Variants in FOXP1 observed in about 807,000 individuals in gnomAD.
FOXP1 encodes the protein forkhead box protein P1.
In FOXP1, 15 loss-of-function variants were observed where a neutral mutation model predicts 98.2. That is an observed-to-expected ratio of 0.15 (90% CI 0.10 to 0.24). The LOEUF (loss-of-function observed/expected upper bound fraction) is 0.24, where lower values mean the gene tolerates loss of function less well. FOXP1 is among the 10% of genes least tolerant of loss of function. The probability of loss-of-function intolerance (pLI) is 1.00; values close to 1 mark genes in which losing one functional copy is unlikely to be tolerated. For synonymous variants in FOXP1, 371 were observed against 314.5 expected (o/e 1.18, Z -1.90); for missense variants, 633 against 848.5 (o/e 0.75, Z 3.15).
chr3:71,275,806 GTTCCCCATCCTCTCATGC>G (rs1376743103), intron 5 of FOXP1, among the ~76,000 whole-genome samples: 1 of 152,144 alleles, frequency 6.6e-6, no homozygotes, highest in Non-Finnish European at 1.5e-5. Flanking sequence ...TACGGGAGTG[GTTCCCCATCCTCTCATGC>G]TTATCCCTTC....
At chr3:71,097,465 T>C (rs545856117) in intron 7 of FOXP1, among the ~76,000 whole-genome samples, 323 of 152,320 alleles carry the variant, frequency 2.1e-3, no homozygotes, top group Non-Finnish European at 3.7e-3. Context: ...TGTTAATCCC[T>C]GATCTAATGG....
At chr3:71,014,211 A>T (rs1404587121) in intron 12 of FOXP1, among the ~76,000 whole-genome samples, 2 of 152,226 alleles carry the variant, frequency 1.3e-5, no homozygotes, top group Admixed American at 6.5e-5. Flanking sequence ...ATCAGAGTGA[A>T]CAGGCAACCT....
chr3:71,333,421 T>A (rs1255967010), intron 4 of FOXP1: 2 of 152,106 alleles, frequency 1.3e-5, no homozygotes, highest in Admixed American at 1.3e-4. Context: ...CAGAATAACA[T>A]CTTACACAAA....
rs78078467 is a variant in FOXP1 at position 71,532,029 on chromosome 3, T to C, written c.-297-38474A>G. Among the ~76,000 whole-genome samples, 25 of 152,378 alleles carry C rather than the reference T, an allele frequency of 1.6e-4. No homozygotes were observed. In the East Asian group the frequency reaches 4.4e-3, roughly 27 times the overall value. On this transcript the variant is annotated intron_variant, in intron 2 of 20. Coordinates refer to ENST00000649528, the MANE Select transcript of FOXP1 (RefSeq NM_001349338.3). Reference sequence around the variant, plus strand: ...AAATCTCAAGTCCTACAGGCTTCCATTGACTTAATAGGCAGTCTTCTTTTT... The same window carrying C: ...AAATCTCAAGTCCTACAGGCTTCCACTGACTTAATAGGCAGTCTTCTTTTT...
At chr3:71,366,200 T>C (rs969826295) in intron 3 of FOXP1, among the ~76,000 whole-genome samples, 2 of 152,190 alleles carry the variant, frequency 1.3e-5, no homozygotes, top group Non-Finnish European at 2.9e-5. Flanking sequence ...TATCTTTTTT[T>C]AAATCTCAGT....
chr3:71,090,531 A>C (rs761487752), intron 7 of FOXP1, among the ~76,000 whole-genome samples: 1 of 152,216 alleles, frequency 6.6e-6, no homozygotes, highest in Non-Finnish European at 1.5e-5. Flanking sequence ...TAATTTTATA[A>C]TCCATGCTTC....
intron 13 of FOXP1, among the ~76,000 whole-genome samples, chr3:70,992,842 A>C (rs550798522): frequency 9.9e-5 from 15 of 151,706 alleles, no homozygotes; most frequent in Non-Finnish European, 1.6e-4. Context: ...AAACCCAGAG[A>C]CTCTCTCTCT....
At chr3:71,302,817 A>G (rs1436299625) in intron 4 of FOXP1, 3 of 152,164 alleles carry the variant, frequency 2.0e-5, no homozygotes, top group African/African-American at 7.2e-5. Flanking sequence ...CAGTGACCAC[A>G]AAAACCATGT....
Position 70,980,465 on chromosome 3 carries a change from T to C in FOXP1, c.1147-2436A>G, listed in dbSNP as rs895253234. ...TTCAATTCTCATACCACCACTAATA[T>C]CTGAGATGTTATTACTCATACTTTA... is the stretch of plus-strand genomic sequence containing the variant. On this transcript the variant is annotated intron_variant, in intron 14 of 20. Transcript: ENST00000649528. 2.0e-5 allele frequency among the ~76,000 whole-genome samples: 3 copies of C among 152,162 alleles called. No individual in the cohort carries two copies. In the South Asian group the frequency reaches 6.2e-4, roughly 32 times the overall value.
chr3:71,509,998 G>A (rs1218521959), intron 2 of FOXP1, among the ~76,000 whole-genome samples: 2 of 151,970 alleles, frequency 1.3e-5, no homozygotes, highest in Non-Finnish European at 2.9e-5. Flanking sequence ...GGCCAACATG[G>A]TGAAACCCCA....
intron 6 of FOXP1, among the ~76,000 whole-genome samples, chr3:71,197,686 T>C (rs759258373): frequency 2.6e-5 from 4 of 152,216 alleles, no homozygotes; most frequent in Non-Finnish European, 4.4e-5. Context: ...AGCAGCTTCC[T>C]ACAGTGATGC....
intron 18 of FOXP1, chr3:70,971,632 T>G (rs1373222041): frequency 1.2e-5 from 2 of 165,696 alleles, no homozygotes; most frequent in African/African-American, 4.8e-5. Context: ...TGTATTATTA[T>G]AGTGAGTGAA....
At chr3:71,125,392 C>T (rs2059093907) in intron 6 of FOXP1, among the ~76,000 whole-genome samples, 1 of 152,162 alleles carries the variant, frequency 6.6e-6, no homozygotes, top group African/African-American at 2.4e-5. Context: ...TCACCTGGAA[C>T]TAGAACTACT....
At chr3:71,146,812 C>A (rs936348758) in intron 6 of FOXP1, among the ~76,000 whole-genome samples, 1 of 152,192 alleles carries the variant, frequency 6.6e-6, no homozygotes, top group Non-Finnish European at 1.5e-5. Flanking sequence ...AAACACTAAG[C>A]GGAAGACAAA....
At chr3:71,226,815 T>C (rs1560147052) in intron 5 of FOXP1, among the ~76,000 whole-genome samples, 1 of 152,124 alleles carries the variant, frequency 6.6e-6, no homozygotes, top group Non-Finnish European at 1.5e-5. Context: ...TTGCTCGTTC[T>C]CAGGCTCCCT....
intron 18 of FOXP1, 58 bp downstream of exon 18, chr3:70,972,497 G>GTTATACTTGT: frequency 6.2e-7 from 1 of 1,610,402 alleles, no homozygotes; most frequent in South Asian, 1.1e-5. Flanking sequence ...AAGCCTCTAC[G>GTTATACTTGT]TTATACTTGT....
chr3:71,085,199 G>A (rs940648449), intron 7 of FOXP1, among the ~76,000 whole-genome samples: 37 of 152,186 alleles, frequency 2.4e-4, no homozygotes, highest in African/African-American at 8.7e-4. Context: ...CTGGAGTACA[G>A]TGACACAATC....
At chr3:71,158,234 A>G (rs1333682691) in intron 6 of FOXP1, among the ~76,000 whole-genome samples, 2 of 151,640 alleles carry the variant, frequency 1.3e-5, no homozygotes, top group African/African-American at 4.9e-5. Context: ...AAGACAGAAG[A>G]GAGACAGAAA....
intron 6 of FOXP1, among the ~76,000 whole-genome samples, chr3:71,187,842 T>C (rs993897571): frequency 1.3e-5 from 2 of 152,138 alleles, no homozygotes; most frequent in Non-Finnish European, 2.9e-5. Context: ...TATCACAGTA[T>C]TATTTATCAT....
Sources: gnomAD v4.1 joint callset for allele counts (sites outside exome capture counted in the v4.1 genomes callset) on GRCh38, gnomAD v4.1.1 for gene constraint, MANE v1.5 for transcripts, NCBI Gene and HGNC (gene_info 2026-07-23, HGNC 2026-07-21) for gene names.